Variants in KCTD16 observed in about 807,000 individuals in gnomAD.
The protein encoded by KCTD16 is BTB/POZ domain-containing protein KCTD16.
A neutral mutation model predicts 33.2 loss-of-function variants in KCTD16; 13 were observed. That is an observed-to-expected ratio of 0.39 (90% confidence interval 0.25 to 0.62). The LOEUF is 0.62. KCTD16 is among the 20% of genes least tolerant of loss of function. The pLI is 0.50. For synonymous variants in KCTD16, 197 were observed against 195.3 expected, an observed-to-expected ratio of 1.01 and a Z score of -0.07; for missense variants, 441 against 525.1, an observed-to-expected ratio of 0.84 and a Z score of 1.57.
rs1754742998 is a variant in KCTD16, at chr5:144,483,350, A to G, written c.*9236A>G. On this transcript the variant is annotated 3_prime_UTR_variant, in exon 4 of 4. Coordinates refer to ENST00000512467, the MANE Select transcript of KCTD16 (RefSeq NM_020768.4). ...ATGAGGGTTCCTGTGTCCCTACATG[A>G]TTTATCGGTGGAGCTAATTATCTAT... 1 of 151,810 alleles carries G rather than the reference A, an allele frequency of 6.6e-6. No homozygotes were observed. Among genetic ancestry groups the G allele is most frequent in the Non-Finnish European group, 1.5e-5 (1 of 67,880 alleles). The allele number at this position is 151,810 out of a possible 1,614,324, so 9.4% of individuals were successfully genotyped here.
intron 3 of KCTD16, among the ~76,000 whole-genome samples, chr5:144,387,138 A>ATTTTTTT (rs377558036): frequency 4.3e-5 from 5 of 116,156 alleles, no homozygotes; most frequent in South Asian, 2.9e-4. Context: ...GGCTAATTTA[A>ATTTTTTT]TTTTTTTTTT....
chr5:144,342,706 G>T (rs988302369), intron 3 of KCTD16, among the ~76,000 whole-genome samples: 1 of 152,226 alleles, frequency 6.6e-6, no homozygotes, highest in Non-Finnish European at 1.5e-5. Flanking sequence ...TACGATATTG[G>T]CTGTGGGTTT....
intron 3 of KCTD16, among the ~76,000 whole-genome samples, chr5:144,326,780 T>C (rs995774781): frequency 1.2e-4 from 19 of 152,148 alleles, no homozygotes; most frequent in Admixed American, 1.2e-3. Context: ...TCTTTGTCTT[T>C]TGGGAAATAA....
intron 3 of KCTD16, among the ~76,000 whole-genome samples, chr5:144,301,909 T>A (rs1329578395): frequency 2.0e-5 from 3 of 152,242 alleles, no homozygotes; most frequent in Non-Finnish European, 4.4e-5. Context: ...TATTTTATTG[T>A]TTCTAATGAT....
At chr5:144,181,124 G>A (rs965396744) in intron 2 of KCTD16, among the ~76,000 whole-genome samples, 5 of 151,742 alleles carry the variant, frequency 3.3e-5, no homozygotes, top group Admixed American at 2.6e-4. Flanking sequence ...TAGTAGAGGC[G>A]GGGTTTCACT....
At chr5:144,194,321 C>T (rs996297598) in intron 2 of KCTD16, among the ~76,000 whole-genome samples, 2 of 152,160 alleles carry the variant, frequency 1.3e-5, no homozygotes, top group Non-Finnish European at 2.9e-5. Context: ...GTTATCCATG[C>T]GGGAAACATT....
At chr5:144,424,707 G>A (rs535946657) in intron 3 of KCTD16, among the ~76,000 whole-genome samples, 6 of 152,248 alleles carry the variant, frequency 3.9e-5, no homozygotes, top group African/African-American at 1.4e-4. Flanking sequence ...CACAAGGTGA[G>A]TGAGCCTACC....
intron 3 of KCTD16, among the ~76,000 whole-genome samples, chr5:144,446,198 G>A (rs1753814527): frequency 6.6e-6 from 1 of 151,654 alleles, no homozygotes; most frequent in South Asian, 2.1e-4. Context: ...TTAAATGTGG[G>A]TATTTGAAGT....
chr5:144,300,578 A>G (rs1471683627), intron 3 of KCTD16, among the ~76,000 whole-genome samples: 4 of 152,194 alleles, frequency 2.6e-5, no homozygotes, highest in Non-Finnish European at 5.9e-5. Flanking sequence ...CAATCATGCA[A>G]TGAATACTTG....
In KCTD16 at chr5:144,304,979, T is replaced by C. The variant is rs1751559579; in HGVS notation, c.832+97433T>C. Among the ~76,000 whole-genome samples, 6 of 24,680 alleles carry C rather than the reference T, an allele frequency of 2.4e-4. No individual in the cohort carries two copies. In the South Asian group the frequency reaches 5.2e-3, roughly 21 times the overall value. 16.2% of individuals were successfully genotyped at this position (24,680 alleles called of 152,430 possible). On this transcript the variant is annotated intron_variant, in intron 3 of 3. Coordinates refer to ENST00000512467, the MANE Select transcript of KCTD16 (RefSeq NM_020768.4). ...GAAGCCACTGAGAATATCAAAATCT[T>C]TTTTTTTTTTTTTTTTTTTTTTCTG... is the stretch of plus-strand genomic sequence containing the variant.
At chr5:144,343,448 G>A (rs1255718901) in intron 3 of KCTD16, among the ~76,000 whole-genome samples, 1 of 152,122 alleles carries the variant, frequency 6.6e-6, no homozygotes, top group Non-Finnish European at 1.5e-5. Flanking sequence ...TTTCTCTTAT[G>A]TCTATTTGAT....
intron 3 of KCTD16, among the ~76,000 whole-genome samples, chr5:144,317,062 G>A (rs944886023): frequency 3.3e-5 from 5 of 151,728 alleles, no homozygotes; most frequent in South Asian, 2.1e-4. Flanking sequence ...TCTTGAACTC[G>A]TGATCTGCCC....
At chr5:144,467,600 T>C (rs1488008415) in intron 3 of KCTD16, among the ~76,000 whole-genome samples, 1 of 152,158 alleles carries the variant, frequency 6.6e-6, no homozygotes, top group African/African-American at 2.4e-5. Context: ...AGGTTGGGAC[T>C]AGCCTGAAAG....
At position 144,265,155 on chromosome 5, in the gene KCTD16, A is replaced by G. The variant is rs552700970; in HGVS notation, c.832+57609A>G. ...ATCCAACAGTTGTAAGGAGAAAATT[A>G]TCTACTTATGAGAACTTTACAGGTG... On this transcript the variant is annotated intron_variant, in intron 3 of 3. Transcript: ENST00000512467. Among the ~76,000 whole-genome samples the G allele has an allele frequency of 6.6e-5, 10 of 152,352 alleles. No homozygotes were observed. In the South Asian group the frequency reaches 1.0e-3, roughly 16 times the overall value.
At chr5:144,198,671 A>G (rs1302458489) in intron 2 of KCTD16, among the ~76,000 whole-genome samples, 3 of 152,254 alleles carry the variant, frequency 2.0e-5, no homozygotes, top group Non-Finnish European at 2.9e-5. Flanking sequence ...TCTGTTTTGA[A>G]TGAGCCAGCC....
At position 144,318,127 on chromosome 5, in the gene KCTD16, A is replaced by C. The variant is rs952747876; in HGVS notation, c.832+110581A>C. ...TTCAATTCCAAGTTGAGGAGACTGA[A>C]GGAGAAGGGGTCCTCTTGCGGTGAC... On this transcript the variant is annotated intron_variant, in intron 3 of 3. Transcript: ENST00000512467. Among the ~76,000 whole-genome samples the C allele has an allele frequency of 1.1e-4, 16 of 152,290 alleles. No homozygotes were observed. The South Asian group carries it at 1.5e-3, about 14-fold the overall frequency.
intron 2 of KCTD16, among the ~76,000 whole-genome samples, chr5:144,185,193 G>C (rs1752700857): frequency 6.6e-6 from 1 of 152,162 alleles, no homozygotes; most frequent in South Asian, 2.1e-4. Flanking sequence ...GGGTACCTAG[G>C]AAGTTGATTT....
chr5:144,358,450 C>A (rs924450705), intron 3 of KCTD16, among the ~76,000 whole-genome samples: 4 of 152,102 alleles, frequency 2.6e-5, no homozygotes, highest in African/African-American at 9.7e-5. Flanking sequence ...ATTTATTGAA[C>A]TCATATATTT....
Position 144,207,186 on chromosome 5 carries a change from C to A in KCTD16, c.472C>A (p.Pro158Thr). 6.2e-7 allele frequency: 1 copy of A among 1,613,354 alleles called. No individual in the cohort carries two copies. Among genetic ancestry groups the A allele is most frequent in the South Asian group, 1.1e-5 (1 of 90,964 alleles). ...AATCTGCCCCCCTTCCTCCCTGCTC[C>A]CTGCCGACCGCAAGTGGGGTTTCAT... is the stretch of plus-strand genomic sequence containing the variant. ...TRICPPSSLL[P>T]ADRKWGFITV... The change falls in exon 3 of 4, where the codon CCT (proline) becomes ACT (threonine). Residue 158 changes from proline (P) to threonine (T), a missense_variant. Pro to Thr is a conservative substitution (Grantham distance 38, BLOSUM62 -1). Transcript: ENST00000512467.
Sources: allele counts gnomAD v4.1 joint callset (sites outside exome capture counted in the v4.1 genomes callset), GRCh38; gene constraint gnomAD v4.1.1; transcripts MANE v1.5; gene names NCBI Gene and HGNC (gene_info 2026-07-23, HGNC 2026-07-21).